HELLS: variants seen among roughly 807,000 people sequenced by gnomAD.
The protein encoded by HELLS is helicase, lymphoid specific, also known as lymphoid-specific helicase.
In HELLS, 32 loss-of-function variants were observed where a neutral mutation model predicts 120.0. That is an observed-to-expected ratio of 0.27 (90% CI 0.20 to 0.36). The LOEUF (loss-of-function observed/expected upper bound fraction) is 0.36, where lower values mean the gene tolerates loss of function less well. Among genes scored for constraint, HELLS ranks in the 10% least tolerant of loss-of-function variants. The pLI, the probability that HELLS is intolerant of heterozygous loss-of-function variation, is 1.00. For synonymous variants in HELLS, 341 were observed against 323.4 expected, an observed-to-expected ratio of 1.05 and a Z score of -0.58; for missense variants, 650 against 993.4, an observed-to-expected ratio of 0.65 and a Z score of 4.65.
chr10:94,559,294 C>A (rs1401031876), intron 4 of HELLS, among the ~76,000 whole-genome samples: 2 of 152,002 alleles, frequency 1.3e-5, no homozygotes, highest in Admixed American at 1.3e-4. Flanking sequence ...GTTAAAATGG[C>A]CCCCAACTAT....
chr10:94,584,619 A>G (rs1387974715), intron 12 of HELLS, among the ~76,000 whole-genome samples: 1 of 152,140 alleles, frequency 6.6e-6, no homozygotes, highest in Non-Finnish European at 1.5e-5. Flanking sequence ...ATGAATATTT[A>G]TAGAATTTGT....
intron 6 of HELLS, among the ~76,000 whole-genome samples, chr10:94,565,166 GTC>G (rs1387329030): frequency 6.6e-6 from 1 of 152,078 alleles, no homozygotes; most frequent in African/African-American, 2.4e-5. Context: ...GTGAAACCCC[GTC>G]TCTACTAAAA....
chr10:94,577,458 T>C (rs1242450377), intron 10 of HELLS: 2 of 157,052 alleles, frequency 1.3e-5, no homozygotes, highest in Non-Finnish European at 2.8e-5. Context: ...AAGTATTTAA[T>C]GGTTTCAACA....
intron 4 of HELLS, 81 bp from the exon 5 acceptor site, chr10:94,562,610 C>G: frequency 2.1e-6 from 2 of 946,544 alleles, no homozygotes; most frequent in Non-Finnish European, 3.3e-6. Context: ...CATATTTTTT[C>G]TCAAGTTAAT....
downstream of HELLS, among the ~76,000 whole-genome samples, chr10:94,605,903 A>G (rs1038883085): frequency 6.6e-6 from 1 of 151,972 alleles, no homozygotes; most frequent in African/African-American, 2.4e-5. Flanking sequence ...AAGGGCTGGG[A>G]TTACAGGTGT....
At chr10:94,590,371 T>C (rs755299131) in intron 13 of HELLS, 42 bp from the exon 14 acceptor site, 2 of 1,548,126 alleles carry the variant, frequency 1.3e-6, no homozygotes, top group South Asian at 1.2e-5. Context: ...CCTAAGGACA[T>C]AGCTTTATAA....
chr10:94,584,651 T>C (rs1314572385), intron 12 of HELLS, among the ~76,000 whole-genome samples: 4 of 152,144 alleles, frequency 2.6e-5, no homozygotes, highest in African/African-American at 9.7e-5. Context: ...TACCTCACAG[T>C]GTATACAGGT....
intron 10 of HELLS, among the ~76,000 whole-genome samples, chr10:94,580,994 C>T (rs1381453000): frequency 6.6e-6 from 1 of 152,134 alleles, no homozygotes; most frequent in African/African-American, 2.4e-5. Flanking sequence ...TCTAGTGTAA[C>T]ATTAATATCA....
chr10:94,562,966 C>T, intron 6 of HELLS, 90 bp downstream of exon 6: 1 of 741,364 alleles, frequency 1.3e-6, no homozygotes, highest in Admixed American at 2.7e-5. Context: ...ATTGAATATT[C>T]AATATCACAT....
intron 6 of HELLS, among the ~76,000 whole-genome samples, chr10:94,566,370 G>C (rs1396979909): frequency 6.6e-6 from 1 of 152,074 alleles, no homozygotes; most frequent in Non-Finnish European, 1.5e-5. Context: ...AGGTGTTTTA[G>C]GAAGAAATAA....
At chr10:94,608,651 TTTC>T (rs1305270319) in intron 9 of HELLS, among the ~76,000 whole-genome samples, 1 of 152,002 alleles carries the variant, frequency 6.6e-6, no homozygotes, top group African/African-American at 2.4e-5. Flanking sequence ...TTTTTTTCTT[TTTC>T]TTCACTGTGT....
chr10:94,608,864 C>A (rs1589774003), intron 9 of HELLS, among the ~76,000 whole-genome samples: 2 of 151,960 alleles, frequency 1.3e-5, no homozygotes, highest in South Asian at 4.1e-4. Flanking sequence ...CAACTTCTGG[C>A]GGCTGCAACT....
rs540829442 is a variant in HELLS at position 94,573,137 on chromosome 10, T to C, written c.478-823T>C. 9.2e-5 allele frequency among the ~76,000 whole-genome samples: 12 copies of C among 130,130 alleles called. 1 individual carries two copies. The South Asian group carries it at 3.4e-3, about 37-fold the overall frequency. 85.4% of individuals were successfully genotyped at this position (130,130 alleles called of 152,430 possible). On this transcript the variant is annotated intron_variant, in intron 7 of 21. Transcript: ENST00000348459. Reference sequence around the variant, plus strand: ...ACCATGTTCAGCTAATTTTTGTATTTTTAGTAGAGACAGTGTGTCACCATT... The same window carrying C: ...ACCATGTTCAGCTAATTTTTGTATTCTTAGTAGAGACAGTGTGTCACCATT...
At chr10:94,610,367 G>GA (rs1036518166) in exon 10 of HELLS, 61 of 151,984 alleles carry the variant, frequency 4.0e-4, no homozygotes, top group African/African-American at 1.4e-3. Context: ...GAGGCTAGTG[G>GA]ATCATGTGGC....
chr10:94,598,440 A>G (rs1845847758), intron 21 of HELLS, among the ~76,000 whole-genome samples: 1 of 152,206 alleles, frequency 6.6e-6, no homozygotes, highest in Non-Finnish European at 1.5e-5. Flanking sequence ...GATTATAGGC[A>G]TGAGCCATTG....
At chr10:94,589,862 A>G (rs976789316) in intron 13 of HELLS, among the ~76,000 whole-genome samples, 6 of 151,162 alleles carry the variant, frequency 4.0e-5, no homozygotes, top group Non-Finnish European at 7.4e-5. Context: ...AATTTTTTCT[A>G]TTTTTGAGTA....
intron 3 of HELLS, among the ~76,000 whole-genome samples, chr10:94,557,790 C>A (rs1843340623): frequency 6.6e-6 from 1 of 152,218 alleles, no homozygotes; most frequent in South Asian, 2.1e-4. Context: ...CTGTTGGGCT[C>A]TGTTTGGATT....
chr10:94,594,619 GT>G lies in HELLS; in HGVS notation c.2089-74del, dbSNP rs1845656029. The G allele has an allele frequency of 2.6e-6, 3 of 1,135,010 alleles. No homozygotes were observed. The African/African-American group carries it at 4.7e-5, about 18-fold the overall frequency. The allele number at this position is 1,135,010 out of a possible 1,614,324, so 70.3% of individuals were successfully genotyped here. A position where few individuals can be genotyped will look rare whatever the true frequency, so the allele number is the denominator to read the frequency against. ...AAAAGTTCCTGGCTAGATCATTCAT[GT>G]TGACTTTATCCACATGAGTTTATGT... On this transcript the variant is annotated intron_variant, in intron 18 of 21. Transcript: ENST00000348459.
Position 94,592,294 on chromosome 10 carries a change from A to G in HELLS, c.1833A>G (p.Leu611=), listed in dbSNP as rs1845529257. The part of the protein sequence containing the change: ...FLILDRMLPE[L]KKRGHKVLLF... Reference sequence around the variant, plus strand: ...TTTTGGATCGAATGCTGCCAGAACTAAAAAAAAGAGGTCACAAGGTGGTAC... The same window carrying G: ...TTTTGGATCGAATGCTGCCAGAACTGAAAAAAAGAGGTCACAAGGTGGTAC... Residue 611 remains leucine (L), a synonymous_variant, in exon 16 of 22, where the codon CTA becomes CTG. Transcript: ENST00000348459. 1.9e-6 allele frequency: 3 copies of G among 1,593,302 alleles called. No homozygotes were observed. The highest frequency in any genetic ancestry group is 3.4e-5 in the Admixed American group (2 of 58,736).
Sources: allele counts gnomAD v4.1 joint callset (sites outside exome capture counted in the v4.1 genomes callset), GRCh38; gene constraint gnomAD v4.1.1; transcripts MANE v1.5; gene names NCBI Gene and HGNC (gene_info 2026-07-23, HGNC 2026-07-21).